The following ZNF846 variants were observed in gnomAD, a reference collection of about 807,000 sequenced individuals.
ZNF846 encodes zinc finger protein 846.
Under a neutral mutation model 16.0 loss-of-function variants are expected in ZNF846, and 15 were observed. The ratio of observed to expected loss-of-function variants is 0.94; its 90% confidence interval spans 0.63 to 1.45. The LOEUF (loss-of-function observed/expected upper bound fraction) is 1.45. Among genes scored for constraint, ZNF846 ranks in the 40% most tolerant of loss-of-function variants. ZNF846 has a pLI of 0.00. For missense variants in ZNF846, 714 were observed against 622.3 expected (o/e 1.15, Z -1.57); for synonymous variants, 229 against 212.0 (o/e 1.08, Z -0.70).
chr19:9,753,517 G>A (rs913599161), downstream of ZNF846, among the ~76,000 whole-genome samples: 1 of 150,606 alleles, frequency 6.6e-6, no homozygotes, highest in African/African-American at 2.5e-5. Flanking sequence ...GCCTCCCAAA[G>A]TGCTGGGATT....
At chr19:9,764,891 G>A in intron 2 of ZNF846, 45 bp downstream of exon 2, 2 of 1,611,426 alleles carry the variant, frequency 1.2e-6, no homozygotes, top group Non-Finnish European at 1.7e-6. Context: ...TACCGATGAT[G>A]GCTACAAGCA....
At chr19:9,771,108 T>C (rs2045386511), upstream of ZNF846, among the ~76,000 whole-genome samples, 1 of 152,092 alleles carries the variant, frequency 6.6e-6, no homozygotes, top group Non-Finnish European at 1.5e-5. Context: ...TTTTATCCAC[T>C]TTTATCCCTC....
At chr19:9,771,180 G>A (rs1439247269), upstream of ZNF846, among the ~76,000 whole-genome samples, 2 of 151,490 alleles carry the variant, frequency 1.3e-5, no homozygotes, top group African/African-American at 4.9e-5. Context: ...ATCCTTTTTT[G>A]TTTTGTTTTG....
At chr19:9,758,847 A>T in intron 5 of ZNF846, 83 bp from the exon 6 acceptor site, 2 of 1,064,946 alleles carry the variant, frequency 1.9e-6, no homozygotes, top group Non-Finnish European at 2.7e-6. Context: ...ACATATATGC[A>T]TTGGAAATAT....
intron 3 of ZNF846, 101 bp from the exon 4 acceptor site, chr19:9,762,269 G>T: frequency 1.2e-6 from 1 of 814,900 alleles, no homozygotes; most frequent in Non-Finnish European, 2.1e-6. Context: ...TCTAAAGATG[G>T]TCAAGTGTAA....
At chr19:9,763,144 CAAAAAA>C in intron 3 of ZNF846, 132 bp downstream of exon 3, 1 of 562,514 alleles carries the variant, frequency 1.8e-6, no homozygotes, top group Non-Finnish European at 2.7e-6. Context: ...GACTGTGTCT[CAAAAAA>C]AAAAAAAAAG....
intron 1 of ZNF846, among the ~76,000 whole-genome samples, chr19:9,780,241 T>G (rs919470663): frequency 7.9e-5 from 12 of 151,886 alleles, no homozygotes; most frequent in Admixed American, 2.0e-4. Context: ...TAGCCCAGGC[T>G]GGAGTGGAGT....
chr19:9,782,333 C>T (rs530533824), intron 1 of ZNF846, among the ~76,000 whole-genome samples: 1 of 152,126 alleles, frequency 6.6e-6, no homozygotes, highest in South Asian at 2.1e-4. Flanking sequence ...TGGTGCTGCA[C>T]AGCTCACTGC....
At chr19:9,773,286 T>C (rs748680460), upstream of ZNF846, among the ~76,000 whole-genome samples, 1 of 152,110 alleles carries the variant, frequency 6.6e-6, no homozygotes. Context: ...CTCAGCCTCC[T>C]GAGTAGCTGG....
chr19:9,767,261 G>A (rs191936627), intron 1 of ZNF846, among the ~76,000 whole-genome samples: 12 of 151,934 alleles, frequency 7.9e-5, no homozygotes, highest in East Asian at 3.9e-4. Context: ...TCAGCCTCCC[G>A]AGTAGCTAAG....
At chr19:9,769,848 G>T (rs2045373699), upstream of ZNF846, among the ~76,000 whole-genome samples, 1 of 151,986 alleles carries the variant, frequency 6.6e-6, no homozygotes, top group South Asian at 2.1e-4. Flanking sequence ...GGGTGTGGTG[G>T]TGGGCGCCTG....
At chr19:9,776,187 A>T (rs1308130989) in intron 1 of ZNF846, among the ~76,000 whole-genome samples, 1 of 152,200 alleles carries the variant, frequency 6.6e-6, no homozygotes, top group East Asian at 1.9e-4. Context: ...GCAGACTGAG[A>T]AAGGGAGTCT....
downstream of ZNF846, among the ~76,000 whole-genome samples, chr19:9,748,760 G>A (rs957362745): frequency 6.6e-6 from 1 of 152,120 alleles, no homozygotes; most frequent in African/African-American, 2.4e-5. Context: ...ATTACAGCTT[G>A]TCCTCGAGAA....
chr19:9,767,646 G>A (rs1161363307), intron 1 of ZNF846, among the ~76,000 whole-genome samples: 1 of 152,034 alleles, frequency 6.6e-6, no homozygotes, highest in Admixed American at 6.6e-5. Context: ...AAAAATATAT[G>A]AGGGGGAAGG....
exon 6 of ZNF846, chr19:9,757,514 A>C: frequency 6.2e-7 from 1 of 1,607,000 alleles, no homozygotes; most frequent in East Asian, 2.2e-5. Flanking sequence ...GATGTTTAGC[A>C]AGTGCTGAAG....
At chr19:9,749,347 C>A (rs997294280), downstream of ZNF846, among the ~76,000 whole-genome samples, 1 of 152,086 alleles carries the variant, frequency 6.6e-6, no homozygotes, top group African/African-American at 2.4e-5. Flanking sequence ...AGTCATACAC[C>A]TATTCATCAT....
intron 1 of ZNF846, among the ~76,000 whole-genome samples, chr19:9,775,458 G>A (rs1260853424): frequency 6.6e-6 from 1 of 152,066 alleles, no homozygotes; most frequent in Non-Finnish European, 1.5e-5. Flanking sequence ...ATAGATCCAG[G>A]AACATATGGG....
At chr19:9,770,519 C>T (rs1169801117), upstream of ZNF846, among the ~76,000 whole-genome samples, 3 of 142,304 alleles carry the variant, frequency 2.1e-5, no homozygotes, top group Admixed American at 7.4e-5. Context: ...TAATACAAGA[C>T]GCATTTTAAG....
rs181546041 is a variant in ZNF846 at position 9,785,115 on chromosome 19, T to G, written c.-86+823A>C. ...AAGAAGTCAGTGAGACTGGGAAATA[T>G]GCATCATTGATGCAGCCTCACAATA... On this transcript the variant is annotated intron_variant, in intron 1 of 4. Coordinates refer to the ZNF846 transcript ENST00000586814. 1.6e-4 allele frequency among the ~76,000 whole-genome samples: 24 copies of G among 152,234 alleles called. 1 individual carries two copies. In the South Asian group the frequency reaches 2.7e-3, roughly 17 times the overall value.
Sources: allele counts gnomAD v4.1 joint callset (sites outside exome capture counted in the v4.1 genomes callset), GRCh38; gene constraint gnomAD v4.1.1; transcripts MANE v1.5; gene names NCBI Gene and HGNC (gene_info 2026-07-23, HGNC 2026-07-21).